RPH3A: variants seen among roughly 807,000 people sequenced by gnomAD.
The protein encoded by RPH3A is rabphilin-3A.
In RPH3A, 48 loss-of-function variants were observed where a neutral mutation model predicts 102.2. The ratio of observed to expected loss-of-function variants is 0.47; its 90% CI spans 0.37 to 0.60. The LOEUF (loss-of-function observed/expected upper bound fraction) is 0.60, where lower values mean the gene tolerates loss of function less well. Ranked by LOEUF, RPH3A falls within the 20% of genes least tolerant of loss-of-function variation. The pLI is 0.00. For missense variants in RPH3A, 781 were observed against 910.1 expected (o/e 0.86, Z 1.83); for synonymous variants, 310 against 324.3 (o/e 0.96, Z 0.47).
intron 1 of RPH3A, among the ~76,000 whole-genome samples, chr12:112,649,910 CT>C (rs2039961957): frequency 6.6e-6 from 1 of 152,230 alleles, no homozygotes; most frequent in Admixed American, 6.5e-5. Context: ...GTCTCTTCCT[CT>C]TCTTATAAGG....
intron 2 of RPH3A, among the ~76,000 whole-genome samples, chr12:112,810,033 C>A (rs1012643257): frequency 1.3e-5 from 2 of 152,140 alleles, no homozygotes; most frequent in African/African-American, 4.8e-5. Context: ...TGAACAAGAA[C>A]TATGTGAAAA....
rs58459941 is a variant in RPH3A at position 112,828,497 on chromosome 12, A to G, written c.71+108A>G. The G allele has an allele frequency of 6.7e-4, 529 of 785,574 alleles. 12 individuals are homozygous for G. In the East Asian group the frequency reaches 0.014, roughly 20 times the overall value. 48.7% of individuals were successfully genotyped at this position (785,574 alleles called of 1,614,324 possible). ...TAGCTTCCTTCCCTGAGGAAGGGGG[A>G]GAGGAACCTAATGGGAGTTTAGTCA... is the stretch of plus-strand genomic sequence containing the variant. On this transcript the variant is annotated intron_variant, in intron 3 of 21. Coordinates refer to ENST00000389385, the MANE Select transcript of RPH3A (RefSeq NM_001143854.2).
chr12:112,762,919 C>A (rs953745686), intron 1 of RPH3A, among the ~76,000 whole-genome samples: 2 of 152,176 alleles, frequency 1.3e-5, no homozygotes, highest in Non-Finnish European at 2.9e-5. Context: ...ATATGCTGAT[C>A]GGACAGATTT....
At chr12:112,592,422 G>A (rs1205098468) in intron 1 of RPH3A, among the ~76,000 whole-genome samples, 2 of 152,140 alleles carry the variant, frequency 1.3e-5, no homozygotes, top group Non-Finnish European at 2.9e-5. Context: ...GGGTTCAAGC[G>A]GCTCTTCTGC....
intron 2 of RPH3A, among the ~76,000 whole-genome samples, chr12:112,822,911 T>C (rs1214265283): frequency 6.6e-6 from 1 of 152,224 alleles, no homozygotes; most frequent in African/African-American, 2.4e-5. Flanking sequence ...TGAAAGTAGA[T>C]GATTCTTTAG....
At chr12:112,848,426 G>C (rs1191083263) in intron 5 of RPH3A, among the ~76,000 whole-genome samples, 1 of 152,174 alleles carries the variant, frequency 6.6e-6, no homozygotes, top group African/African-American at 2.4e-5. Context: ...AACCTGATGG[G>C]TCCAGACTCC....
chr12:112,746,731 C>T (rs2040749329), intron 1 of RPH3A, among the ~76,000 whole-genome samples: 1 of 152,176 alleles, frequency 6.6e-6, no homozygotes, highest in Non-Finnish European at 1.5e-5. Context: ...TTCGGCCCTG[C>T]TCTCTGTCTC....
At chr12:112,622,680 A>G (rs996884749) in intron 1 of RPH3A, among the ~76,000 whole-genome samples, 23 of 151,384 alleles carry the variant, frequency 1.5e-4, no homozygotes, top group African/African-American at 5.6e-4. Context: ...AAGGCAGGCC[A>G]ACATTCAGAT....
chr12:112,852,005 A>G (rs766556360), intron 5 of RPH3A, among the ~76,000 whole-genome samples: 1 of 152,168 alleles, frequency 6.6e-6, no homozygotes. Context: ...TCATGATTTT[A>G]TGGGTTAAGG....
Position 112,779,875 on chromosome 12 carries a change from G to A in RPH3A, c.-139-12268G>A, listed in dbSNP as rs189317048. Among the ~76,000 whole-genome samples, 288 of 152,238 alleles carry A rather than the reference G, an allele frequency of 1.9e-3. 1 individual carries two copies. The highest frequency in any genetic ancestry group is 6.3e-3 in the African/African-American group (262 of 41,548). ...TCCAATATGATTGGTGTCATCATACGAAGAGAGAAATGGACACAGACATAA... is the reference window on the plus strand; with the variant it reads ...TCCAATATGATTGGTGTCATCATACAAAGAGAGAAATGGACACAGACATAA... On this transcript the variant is annotated intron_variant, in intron 1 of 21. Coordinates refer to the RPH3A transcript ENST00000543106.
chr12:112,797,387 G>A (rs2041253445), intron 2 of RPH3A, among the ~76,000 whole-genome samples: 1 of 152,120 alleles, frequency 6.6e-6, no homozygotes, highest in Non-Finnish European at 1.5e-5. Context: ...GCAAAAGAGG[G>A]GCAAAGAACA....
At chr12:112,817,604 A>G (rs769193543) in intron 2 of RPH3A, among the ~76,000 whole-genome samples, 60 of 138,288 alleles carry the variant, frequency 4.3e-4, no homozygotes, top group Non-Finnish European at 4.8e-4. Context: ...TAGAGGAGGG[A>G]AGAAATTGGT....
At chr12:112,793,514 A>G (rs961007866) in intron 2 of RPH3A, among the ~76,000 whole-genome samples, 22 of 152,226 alleles carry the variant, frequency 1.4e-4, no homozygotes, top group African/African-American at 5.3e-4. Context: ...ATCCCACAGC[A>G]TGTGCCTGCT....
At chr12:112,743,067 T>A (rs1337670581) in intron 1 of RPH3A, among the ~76,000 whole-genome samples, 1 of 152,246 alleles carries the variant, frequency 6.6e-6, no homozygotes, top group Non-Finnish European at 1.5e-5. Context: ...CCTCTGCCTC[T>A]GTCTTATTCA....
intron 1 of RPH3A, among the ~76,000 whole-genome samples, chr12:112,614,846 G>A (rs1405791576): frequency 6.6e-6 from 1 of 152,050 alleles, no homozygotes; most frequent in Non-Finnish European, 1.5e-5. Context: ...GTGTGGTGGT[G>A]CGATCATGGC....
chr12:112,668,467 A>G (rs976284525), intron 1 of RPH3A, among the ~76,000 whole-genome samples: 1 of 152,174 alleles, frequency 6.6e-6, no homozygotes, highest in Non-Finnish European at 1.5e-5. Context: ...TACACCATGG[A>G]ATAGCATGCA....
chr12:112,592,453 G>A (rs182535649), intron 1 of RPH3A, among the ~76,000 whole-genome samples: 51 of 152,120 alleles, frequency 3.4e-4, no homozygotes, highest in Non-Finnish European at 6.6e-4. Flanking sequence ...CAAGTAGCTG[G>A]GATTACGGGC....
At chr12:112,585,460 C>A (rs1019491672) in intron 1 of RPH3A, among the ~76,000 whole-genome samples, 2 of 152,176 alleles carry the variant, frequency 1.3e-5, no homozygotes, top group Non-Finnish European at 2.9e-5. Flanking sequence ...TTACGCTGGG[C>A]GCGGTGGCTC....
chr12:112,888,079 A>G (rs944257865), intron 17 of RPH3A, among the ~76,000 whole-genome samples, 156 bp downstream of exon 17: 1 of 152,174 alleles, frequency 6.6e-6, no homozygotes, highest in Non-Finnish European at 1.5e-5. Flanking sequence ...CCAGCTCACA[A>G]CCTCAGGCTG....
Sources: gnomAD v4.1 joint callset for allele counts (sites outside exome capture counted in the v4.1 genomes callset) on GRCh38, gnomAD v4.1.1 for gene constraint, MANE v1.5 for transcripts, NCBI Gene and HGNC (gene_info 2026-07-23, HGNC 2026-07-21) for gene names.